Variants in RUNX2 observed in about 807,000 individuals in gnomAD.
RUNX2 encodes runt-related transcription factor 2.
A neutral mutation model predicts 51.7 loss-of-function variants in RUNX2; 10 were observed. The observed-to-expected ratio is 0.19, with a 90% CI of 0.12 to 0.33. The LOEUF (loss-of-function observed/expected upper bound fraction) is 0.33, where lower values mean the gene tolerates loss of function less well. RUNX2 is among the 10% of genes least tolerant of loss of function. The pLI is 1.00. For missense variants in RUNX2, 562 were observed against 691.3 expected (o/e 0.81, Z 2.10); for synonymous variants, 276 against 273.6 (o/e 1.01, Z -0.09).
chr6:45,546,868 C>T lies in RUNX2; in HGVS notation c.1129C>T (p.Pro377Ser). 1 of 1,613,990 alleles carries T rather than the reference C, an allele frequency of 6.2e-7. No homozygotes were observed. Among genetic ancestry groups the T allele is most frequent in the Non-Finnish European group, 8.5e-7 (1 of 1,180,000 alleles). The change falls in exon 9 of 9, where the codon CCA (proline) becomes TCA (serine). Residue 377 changes from proline to serine, a missense_variant. This residue lies in a region of RUNX2 where 304 missense variants were observed against 353.2 expected (regional missense o/e 0.86). Transcript: ENST00000647337. ...LGPFSDPRQF[P>S]SISSLTESRF... is the part of the protein sequence containing the mutation. The stretch of plus-strand genomic sequence containing the variant: ...CCCTTTTTCAGACCCCAGGCAGTTC[C>T]CAAGCATTTCATCCCTCACTGAGAG...
At chr6:45,372,381 T>C (rs961247187) in intron 2 of RUNX2, among the ~76,000 whole-genome samples, 6 of 152,180 alleles carry the variant, frequency 3.9e-5, no homozygotes, top group Non-Finnish European at 8.8e-5. Flanking sequence ...TGAAAATATA[T>C]CACAAAAGAT....
intron 2 of RUNX2, among the ~76,000 whole-genome samples, chr6:45,383,275 AAC>A (rs1367929356): frequency 2.6e-5 from 4 of 152,246 alleles, no homozygotes; most frequent in African/African-American, 9.6e-5. Context: ...CTACAAAAAA[AAC>A]ACACAAAAAA....
At chr6:45,329,046 G>C (rs1786931980) in intron 2 of RUNX2, among the ~76,000 whole-genome samples, 1 of 151,852 alleles carries the variant, frequency 6.6e-6, no homozygotes, top group African/African-American at 2.4e-5. Context: ...TAGAGTTATA[G>C]AGGTGAGGAT....
intron 6 of RUNX2, among the ~76,000 whole-genome samples, chr6:45,511,964 T>G (rs1208393119): frequency 4.6e-5 from 7 of 152,170 alleles, no homozygotes; most frequent in Non-Finnish European, 8.8e-5. Flanking sequence ...CTATTAGACT[T>G]TCGAAATTGA....
intron 2 of RUNX2, among the ~76,000 whole-genome samples, chr6:45,332,880 A>G (rs894718953): frequency 6.6e-5 from 10 of 151,646 alleles, no homozygotes; most frequent in African/African-American, 2.4e-4. Flanking sequence ...TTAAGCAGAG[A>G]CTTCTCAATA....
At chr6:45,522,564 C>T (rs1433790549) in intron 7 of RUNX2, among the ~76,000 whole-genome samples, 1 of 152,188 alleles carries the variant, frequency 6.6e-6, no homozygotes, top group African/African-American at 2.4e-5. Flanking sequence ...TAAGATGTGA[C>T]AAGGATATGG....
intron 3 of RUNX2, among the ~76,000 whole-genome samples, chr6:45,428,381 A>G (rs1469390557): frequency 1.3e-5 from 2 of 152,152 alleles, no homozygotes; most frequent in African/African-American, 4.8e-5. Context: ...AAAGTCAAAT[A>G]CAGTACTTCC....
intron 5 of RUNX2, among the ~76,000 whole-genome samples, chr6:45,467,583 G>C (rs981021576): frequency 6.6e-6 from 1 of 152,018 alleles, no homozygotes; most frequent in African/African-American, 2.4e-5. Flanking sequence ...CACCAGGCCT[G>C]CTTTATCTTT....
chr6:45,465,946 C>T (rs965842837), intron 5 of RUNX2, among the ~76,000 whole-genome samples: 1 of 152,086 alleles, frequency 6.6e-6, no homozygotes, highest in Non-Finnish European at 1.5e-5. Flanking sequence ...GTACCCCGCC[C>T]TACTTCTTTT....
At chr6:45,534,309 A>G (rs1801962848) in intron 7 of RUNX2, among the ~76,000 whole-genome samples, 1 of 152,118 alleles carries the variant, frequency 6.6e-6, no homozygotes, top group African/African-American at 2.4e-5. Flanking sequence ...GCTCTGCACT[A>G]ATGAGCTGTG....
intron 5 of RUNX2, among the ~76,000 whole-genome samples, chr6:45,468,944 T>C (rs1286128134): frequency 1.3e-5 from 2 of 152,244 alleles, no homozygotes; most frequent in Non-Finnish European, 2.9e-5. Flanking sequence ...TCACTGTTGG[T>C]GAACATGCCT....
At chr6:45,459,756 A>G (rs889851302) in intron 5 of RUNX2, among the ~76,000 whole-genome samples, 6 of 152,242 alleles carry the variant, frequency 3.9e-5, no homozygotes, top group Non-Finnish European at 7.3e-5. Flanking sequence ...AGTGATAAGT[A>G]CTTTAAAGAA....
intron 7 of RUNX2, among the ~76,000 whole-genome samples, chr6:45,538,193 A>G (rs1284180947): frequency 1.3e-5 from 2 of 152,210 alleles, no homozygotes; most frequent in Non-Finnish European, 2.9e-5. Context: ...GCCACAGGAA[A>G]ATACCAGTCT....
At chr6:45,388,457 T>A (rs1214285940) in intron 2 of RUNX2, among the ~76,000 whole-genome samples, 1 of 152,150 alleles carries the variant, frequency 6.6e-6, no homozygotes, top group Admixed American at 6.5e-5. Context: ...TCGTTAGAAA[T>A]GAATATTTGG....
intron 3 of RUNX2, among the ~76,000 whole-genome samples, chr6:45,427,794 A>C (rs553673406): frequency 1.1e-3 from 166 of 152,260 alleles, no homozygotes; most frequent in African/African-American, 3.8e-3. Context: ...GTTTGAGTTA[A>C]TTCTCCATTC....
At chr6:45,517,899 C>T (rs541961021) in intron 7 of RUNX2, among the ~76,000 whole-genome samples, 21 of 152,146 alleles carry the variant, frequency 1.4e-4, no homozygotes, top group African/African-American at 4.1e-4. Context: ...TCCCTTATAA[C>T]CCAGTCTCTA....
intron 6 of RUNX2, among the ~76,000 whole-genome samples, chr6:45,506,797 CACCCGGATA>C (rs1800981064): frequency 6.6e-6 from 1 of 151,956 alleles, no homozygotes; most frequent in Non-Finnish European, 1.5e-5. Context: ...TGTTTCACTG[CACCCGGATA>C]ATTTTTGTAT....
At chr6:45,374,793 A>T (rs1013550734) in intron 2 of RUNX2, among the ~76,000 whole-genome samples, 1 of 152,242 alleles carries the variant, frequency 6.6e-6, no homozygotes, top group African/African-American at 2.4e-5. Flanking sequence ...CTAAAGGTTT[A>T]TATTCAAAGC....
chr6:45,461,403 G>A (rs970206413), intron 5 of RUNX2, among the ~76,000 whole-genome samples: 6 of 152,124 alleles, frequency 3.9e-5, no homozygotes, highest in African/African-American at 1.4e-4. Flanking sequence ...CCAAATATAC[G>A]GAAGACGTAG....
Sources: allele counts gnomAD v4.1 joint callset (sites outside exome capture counted in the v4.1 genomes callset), GRCh38; gene constraint gnomAD v4.1.1; regional missense constraint gnomAD v4.1.1; transcripts MANE v1.5; gene names NCBI Gene and HGNC (gene_info 2026-07-23, HGNC 2026-07-21).